The following TUSC3 variants were observed in gnomAD, a reference collection of about 807,000 sequenced individuals.
TUSC3 encodes the protein dolichyl-diphosphooligosaccharide--protein glycosyltransferase subunit TUSC3.
TUSC3 carries 45 observed loss-of-function variants against 44.8 expected under a neutral mutation model. The ratio of observed to expected loss-of-function variants is 1.00; its 90% CI spans 0.79 to 1.29. The LOEUF is 1.29. Among genes scored for constraint, TUSC3 ranks in the 50% most tolerant of loss-of-function variants. The pLI is 0.00. For missense variants in TUSC3, 519 were observed against 437.9 expected (o/e 1.19, Z -1.65); for synonymous variants, 212 against 152.9 (o/e 1.39, Z -2.85).
At chr8:15,562,338 A>G (rs759368560) in intron 1 of TUSC3, among the ~76,000 whole-genome samples, 5 of 152,128 alleles carry the variant, frequency 3.3e-5, no homozygotes, top group Non-Finnish European at 5.9e-5. Flanking sequence ...CCGCTTCGCA[A>G]TTTATCTTTC....
chr8:15,851,316 T>C, the TUSC3 span, among the ~76,000 whole-genome samples: 34 of 152,304 alleles, frequency 2.2e-4, 2 homozygotes, highest in South Asian at 6.6e-3. Context: ...CAAAAGTCCC[T>C]GGTCTTAAGG....
chr8:15,675,346 T>C (rs904397439), intron 6 of TUSC3, among the ~76,000 whole-genome samples: 3 of 151,954 alleles, frequency 2.0e-5, no homozygotes, highest in African/African-American at 7.3e-5. Context: ...CATTATTGTT[T>C]ATGGTTTGTT....
At chr8:15,689,863 T>TAA (rs1554475558) in intron 6 of TUSC3, among the ~76,000 whole-genome samples, 162 of 14,798 alleles carry the variant, frequency 0.011, 2 homozygotes, top group African/African-American at 0.017. Flanking sequence ...TGTGTGTGTG[T>TAA]ATAAATATAT....
the TUSC3 span, among the ~76,000 whole-genome samples, chr8:15,829,924 A>G: frequency 1.3e-5 from 2 of 152,246 alleles, no homozygotes; most frequent in East Asian, 1.9e-4. Context: ...GTGTGTAAGT[A>G]TTCCCTTTTC....
chr8:15,782,908 C>G, the TUSC3 span, among the ~76,000 whole-genome samples: 5 of 151,990 alleles, frequency 3.3e-5, no homozygotes, highest in African/African-American at 1.2e-4. Context: ...AAAAGATGTT[C>G]AAATTGAAAA....
intron 1 of TUSC3, among the ~76,000 whole-genome samples, chr8:15,595,029 A>G (rs568808864): frequency 4.6e-5 from 7 of 152,232 alleles, no homozygotes; most frequent in Admixed American, 2.6e-4. Context: ...TCTGAAGGAC[A>G]TCCTGTTTCT....
intron 2 of TUSC3, among the ~76,000 whole-genome samples, chr8:15,526,518 C>T (rs907613524): frequency 1.3e-5 from 2 of 152,062 alleles, no homozygotes; most frequent in Non-Finnish European, 2.9e-5. Context: ...GGGCAGGTTT[C>T]CCCCATACTG....
the TUSC3 span, among the ~76,000 whole-genome samples, chr8:15,775,686 A>G: frequency 1.4e-5 from 2 of 146,270 alleles, no homozygotes; most frequent in African/African-American, 2.5e-5. Context: ...ATAAATACAT[A>G]TGTACACACA....
intron 1 of TUSC3, among the ~76,000 whole-genome samples, chr8:15,582,543 G>C (rs879597048): frequency 2.6e-5 from 4 of 152,252 alleles, no homozygotes; most frequent in Admixed American, 1.3e-4. Context: ...AAAGCTCAAA[G>C]AGACTAAACA....
At chr8:15,461,000 T>C (rs1195004316) in intron 1 of TUSC3, among the ~76,000 whole-genome samples, 5 of 152,218 alleles carry the variant, frequency 3.3e-5, no homozygotes, top group Non-Finnish European at 7.3e-5. Flanking sequence ...AGTTTTGCTT[T>C]GGCTGTGCAG....
At chr8:15,451,362 G>C (rs898064419) in intron 1 of TUSC3, among the ~76,000 whole-genome samples, 1 of 152,140 alleles carries the variant, frequency 6.6e-6, no homozygotes. Context: ...CAAGCAATTA[G>C]AGAGTTGGAA....
At chr8:15,562,013 C>T (rs1393768061) in intron 1 of TUSC3, among the ~76,000 whole-genome samples, 5 of 152,136 alleles carry the variant, frequency 3.3e-5, no homozygotes, top group African/African-American at 1.2e-4. Flanking sequence ...CCTATTCGGC[C>T]ATCTTGGCTC....
At chr8:15,605,142 C>T (rs906086129) in intron 1 of TUSC3, among the ~76,000 whole-genome samples, 1 of 151,728 alleles carries the variant, frequency 6.6e-6, no homozygotes. Flanking sequence ...TGACCCCAAG[C>T]GTGAAGTGAG....
intron 7 of TUSC3, among the ~76,000 whole-genome samples, chr8:15,736,499 G>C (rs1031963053): frequency 6.6e-6 from 1 of 152,104 alleles, no homozygotes; most frequent in Non-Finnish European, 1.5e-5. Flanking sequence ...GGTAGGGTAT[G>C]TTTTTGATTA....
chr8:15,496,991 C>T (rs1017720377), intron 2 of TUSC3, among the ~76,000 whole-genome samples: 2 of 151,882 alleles, frequency 1.3e-5, no homozygotes, highest in African/African-American at 4.8e-5. Context: ...GTGAACAAAA[C>T]AGAAAAAAAT....
chr8:15,707,281 G>C (rs1809656942), intron 6 of TUSC3, among the ~76,000 whole-genome samples: 1 of 151,986 alleles, frequency 6.6e-6, no homozygotes, highest in Non-Finnish European at 1.5e-5. Flanking sequence ...AATCTGAAAT[G>C]TGGTTATGTT....
chr8:15,617,564 C>T (rs914701796), intron 1 of TUSC3, among the ~76,000 whole-genome samples: 2 of 152,128 alleles, frequency 1.3e-5, no homozygotes, highest in East Asian at 1.9e-4. Context: ...GATACAAAGC[C>T]AGATGTATAT....
intron 7 of TUSC3, among the ~76,000 whole-genome samples, chr8:15,734,517 AT>A (rs1467776070): frequency 6.6e-6 from 1 of 152,160 alleles, no homozygotes; most frequent in Non-Finnish European, 1.5e-5. Flanking sequence ...AGGGCTTTAT[AT>A]TTTTGCAAGT....
At chr8:15,502,244 G>A (rs1230800014) in intron 2 of TUSC3, among the ~76,000 whole-genome samples, 2 of 152,140 alleles carry the variant, frequency 1.3e-5, no homozygotes, top group Non-Finnish European at 2.9e-5. Context: ...TTCTTCACTT[G>A]CTTAGTTTCG....
Sources: gnomAD v4.1 joint callset for allele counts (sites outside exome capture counted in the v4.1 genomes callset) on GRCh38, gnomAD v4.1.1 for gene constraint, MANE v1.5 for transcripts, NCBI Gene and HGNC (gene_info 2026-07-23, HGNC 2026-07-21) for gene names.